The following CENPW variants were observed in gnomAD, a reference collection of about 807,000 sequenced individuals.
CENPW encodes the protein cancer-up-regulated gene 2 protein.
CENPW carries 3 observed loss-of-function variants against 11.1 expected under a neutral mutation model. The observed-to-expected ratio is 0.27, with a 90% CI of 0.12 to 0.70. The LOEUF (loss-of-function observed/expected upper bound fraction) is 0.70. Ranked by LOEUF, CENPW falls within the 30% of genes least tolerant of loss-of-function variation. The probability of loss-of-function intolerance (pLI) is 0.77; values close to 1 mark genes in which losing one functional copy is unlikely to be tolerated. For missense variants in CENPW, 100 were observed against 105.6 expected, an observed-to-expected ratio of 0.95 and a Z score of 0.23; for synonymous variants, 38 against 42.0, an observed-to-expected ratio of 0.91 and a Z score of 0.37.
At chr6:126,403,610 A>C in the CENPW span, among the ~76,000 whole-genome samples, 1 of 152,096 alleles carries the variant, frequency 6.6e-6, no homozygotes. Flanking sequence ...GCATAGGTTG[A>C]TTCATGAGGT....
the CENPW span, among the ~76,000 whole-genome samples, chr6:126,415,653 T>C: frequency 5.3e-5 from 8 of 152,288 alleles, no homozygotes; most frequent in African/African-American, 1.7e-4. Context: ...TGAGGGCAGG[T>C]CTTTCTCGTG....
At chr6:126,426,691 C>G in the CENPW span, among the ~76,000 whole-genome samples, 1 of 152,064 alleles carries the variant, frequency 6.6e-6, no homozygotes, top group Non-Finnish European at 1.5e-5. Flanking sequence ...TGAACCTCTA[C>G]TGTTACCTCA....
chr6:126,444,626 T>G, the CENPW span, among the ~76,000 whole-genome samples: 1 of 151,198 alleles, frequency 6.6e-6, no homozygotes, highest in Admixed American at 6.6e-5. Flanking sequence ...TTTCTAATTT[T>G]TCTGCTATTC....
chr6:126,435,321 G>T, the CENPW span, among the ~76,000 whole-genome samples: 20 of 151,832 alleles, frequency 1.3e-4, 1 homozygote, highest in South Asian at 4.2e-3. Flanking sequence ...AAAACGGCAG[G>T]TACATTATTT....
chr6:126,470,496 C>T, the CENPW span, among the ~76,000 whole-genome samples: 1 of 152,208 alleles, frequency 6.6e-6, no homozygotes, highest in African/African-American at 2.4e-5. Context: ...TCTACTAGGG[C>T]AATGCAGAGG....
the CENPW span, among the ~76,000 whole-genome samples, chr6:126,399,089 T>A: frequency 6.6e-6 from 1 of 152,116 alleles, no homozygotes; most frequent in South Asian, 2.1e-4. Context: ...TCCATGTCTT[T>A]GCTATTGTAA....
At chr6:126,459,272 C>T in the CENPW span, among the ~76,000 whole-genome samples, 1 of 150,778 alleles carries the variant, frequency 6.6e-6, no homozygotes, top group African/African-American at 2.4e-5. Flanking sequence ...GCTAGAGAGT[C>T]TATATTTTAG....
chr6:126,362,489 T>TA, the CENPW span, among the ~76,000 whole-genome samples: 1 of 152,190 alleles, frequency 6.6e-6, no homozygotes, highest in Non-Finnish European at 1.5e-5. Context: ...GCCTCAGTGT[T>TA]ACTTGTCTCT....
chr6:126,452,601 G>T, the CENPW span, among the ~76,000 whole-genome samples: 4 of 150,828 alleles, frequency 2.7e-5, no homozygotes, highest in South Asian at 2.1e-4. Flanking sequence ...AGAGGAAAAA[G>T]ATATTTTTAA....
chr6:126,416,667 C>G, the CENPW span, among the ~76,000 whole-genome samples: 2 of 152,154 alleles, frequency 1.3e-5, no homozygotes, highest in Non-Finnish European at 1.5e-5. Context: ...GAGGTCAGGC[C>G]ATGGCTTCAG....
At chr6:126,436,116 C>T in the CENPW span, among the ~76,000 whole-genome samples, 67 of 151,782 alleles carry the variant, frequency 4.4e-4, no homozygotes, top group African/African-American at 1.4e-3. Flanking sequence ...GCAATGAAAT[C>T]TCTGAGACTA....
At chr6:126,367,849 A>G in the CENPW span, among the ~76,000 whole-genome samples, 1 of 152,214 alleles carries the variant, frequency 6.6e-6, no homozygotes, top group Non-Finnish European at 1.5e-5. Flanking sequence ...CAGGAAGGAA[A>G]AAAAAATTAC....
At chr6:126,381,048 C>T in the CENPW span, among the ~76,000 whole-genome samples, 54 of 152,268 alleles carry the variant, frequency 3.5e-4, no homozygotes, top group East Asian at 8.7e-3. Flanking sequence ...GTTCTTTATC[C>T]TCCACCATTC....
the CENPW span, among the ~76,000 whole-genome samples, chr6:126,375,608 A>T: frequency 6.6e-6 from 1 of 151,874 alleles, no homozygotes; most frequent in African/African-American, 2.4e-5. Flanking sequence ...AATTCAGTGT[A>T]ATGGCTGGTG....
At chr6:126,378,509 A>G in the CENPW span, among the ~76,000 whole-genome samples, 1 of 151,954 alleles carries the variant, frequency 6.6e-6, no homozygotes, top group African/African-American at 2.4e-5. Flanking sequence ...CAATGTAGGC[A>G]GAAATAAAAA....
At chr6:126,455,146 C>T in the CENPW span, among the ~76,000 whole-genome samples, 2 of 151,182 alleles carry the variant, frequency 1.3e-5, no homozygotes, top group Non-Finnish European at 3.0e-5. Flanking sequence ...GATGTATAAA[C>T]AAAAGCTGGT....
chr6:126,392,964 C>A, the CENPW span, among the ~76,000 whole-genome samples: 122 of 151,910 alleles, frequency 8.0e-4, no homozygotes, highest in African/African-American at 2.9e-3. Context: ...CAGATTCAAT[C>A]TTATTATTTG....
At chr6:126,459,488 C>A in the CENPW span, among the ~76,000 whole-genome samples, 3 of 151,368 alleles carry the variant, frequency 2.0e-5, no homozygotes, top group Non-Finnish European at 4.4e-5. Flanking sequence ...GTATTTAAGG[C>A]AGAATGACAA....
chr6:126,363,616 A>C, the CENPW span, among the ~76,000 whole-genome samples: 2 of 152,158 alleles, frequency 1.3e-5, no homozygotes, highest in African/African-American at 4.8e-5. Context: ...GGTATTTTCC[A>C]ATATTTTCTC....
Sources: gnomAD v4.1 joint callset for allele counts (sites outside exome capture counted in the v4.1 genomes callset) on GRCh38, gnomAD v4.1.1 for gene constraint, MANE v1.5 for transcripts, NCBI Gene and HGNC (gene_info 2026-07-23, HGNC 2026-07-21) for gene names.